The following UEVLD variants were observed in gnomAD, a reference collection of about 807,000 sequenced individuals.
UEVLD encodes ubiquitin-conjugating enzyme E2 variant 3.
In UEVLD, 47 loss-of-function variants were observed where a neutral mutation model predicts 58.6. The observed-to-expected ratio is 0.80, with a 90% CI of 0.63 to 1.02. The LOEUF (loss-of-function observed/expected upper bound fraction) is 1.02, where lower values mean the gene tolerates loss of function less well. Ranked by LOEUF, UEVLD falls within the 50% of genes least tolerant of loss-of-function variation. UEVLD has a pLI of 0.00. For missense variants in UEVLD, 510 were observed against 550.6 expected (o/e 0.93, Z 0.74); for synonymous variants, 197 against 195.3 (o/e 1.01, Z -0.07).
intron 6 of UEVLD, among the ~76,000 whole-genome samples, chr11:18,558,548 C>T (rs1851862747): frequency 6.6e-6 from 1 of 152,174 alleles, no homozygotes; most frequent in East Asian, 1.9e-4. Flanking sequence ...CTTTGGGAGG[C>T]CAAGGCAGGC....
chr11:18,540,260 C>G (rs1241177387), intron 9 of UEVLD, among the ~76,000 whole-genome samples: 1 of 152,202 alleles, frequency 6.6e-6, no homozygotes, highest in Admixed American at 6.5e-5. Flanking sequence ...TGGAAAACCA[C>G]TACCTCCTTC....
chr11:18,570,664 T>TGAG (rs1852552983), intron 3 of UEVLD: 1 of 183,846 alleles, frequency 5.4e-6, no homozygotes, highest in African/African-American at 2.4e-5. Context: ...GCAGATGACT[T>TGAG]GAGCCTGGCA....
At chr11:18,584,044 T>G (rs1011144863) in intron 1 of UEVLD, among the ~76,000 whole-genome samples, 1 of 152,274 alleles carries the variant, frequency 6.6e-6, no homozygotes, top group South Asian at 2.1e-4. Flanking sequence ...ATTAGGGAAC[T>G]AGGTAATTTC....
intron 7 of UEVLD, among the ~76,000 whole-genome samples, chr11:18,548,263 A>G (rs72876779): frequency 6.6e-6 from 1 of 152,178 alleles, no homozygotes; most frequent in Non-Finnish European, 1.5e-5. Flanking sequence ...CAGTAAGTAC[A>G]TGCCCAAACC....
At chr11:18,566,283 G>C in intron 5 of UEVLD, 64 bp downstream of exon 5, 1 of 1,588,670 alleles carries the variant, frequency 6.3e-7, no homozygotes, top group Non-Finnish European at 8.6e-7. Flanking sequence ...AGAAAGTAAA[G>C]GAGTTTAGTG....
chr11:18,543,482 A>G (rs1207101580), intron 9 of UEVLD, among the ~76,000 whole-genome samples: 2 of 152,038 alleles, frequency 1.3e-5, no homozygotes, highest in Non-Finnish European at 2.9e-5. Context: ...CCTATTGTTC[A>G]CTATCTATTA....
chr11:18,552,405 G>C (rs1178269650), intron 7 of UEVLD, among the ~76,000 whole-genome samples: 1 of 152,048 alleles, frequency 6.6e-6, no homozygotes. Flanking sequence ...AAATTAGCCA[G>C]GTGTGATGGT....
intron 8 of UEVLD, among the ~76,000 whole-genome samples, chr11:18,545,075 T>TCTATATA (rs60959151): frequency 8.5e-6 from 1 of 117,228 alleles, no homozygotes; most frequent in African/African-American, 3.6e-5. Context: ...TATATCTATA[T>TCTATATA]TTTTTTTTTT....
At chr11:18,561,769 T>C (rs892509143) in intron 6 of UEVLD, among the ~76,000 whole-genome samples, 2 of 149,994 alleles carry the variant, frequency 1.3e-5, no homozygotes, top group African/African-American at 2.5e-5. Flanking sequence ...AGGCAGGAGG[T>C]TGCAGTGAGC....
chr11:18,553,784 G>A (rs564423109), intron 7 of UEVLD, among the ~76,000 whole-genome samples: 55 of 152,268 alleles, frequency 3.6e-4, no homozygotes, highest in Admixed American at 9.2e-4. Context: ...ATATAAATTA[G>A]CTAGTAGAGG....
intron 11 of UEVLD, 147 bp downstream of exon 11, chr11:18,534,183 A>G (rs1850693074): frequency 1.8e-6 from 1 of 567,388 alleles, no homozygotes; most frequent in African/African-American, 2.0e-5. Flanking sequence ...GATAGGGCTT[A>G]AACTAAACTG....
Position 18,578,774 on chromosome 11 carries a change from C to T in UEVLD, c.77G>A (p.Arg26Lys), listed in dbSNP as rs1853072831. Residue 26 changes from arginine (R) to lysine (K), a missense_variant, in exon 2 of 12, where the codon AGG becomes AAG. Transcript: ENST00000396197. ...ATGTGGGAAAAATACATTTACATTC[C>T]TTAGTTCTTCCACAGTTAGGTCCCT... The part of the protein sequence containing the change: ...KFRDLTVEEL[R>K]NVNVFFPHFK... The T allele has an allele frequency of 1.9e-6, 3 of 1,608,966 alleles. No individual in the cohort carries two copies. Among genetic ancestry groups the T allele is most frequent in the South Asian group, 2.2e-5 (2 of 89,824 alleles).
chr11:18,587,129 C>T (rs1853616349), intron 1 of UEVLD, among the ~76,000 whole-genome samples: 1 of 152,176 alleles, frequency 6.6e-6, no homozygotes, highest in Admixed American at 6.5e-5. Flanking sequence ...CTACTCTCAC[C>T]CTTGAAAAAA....
chr11:18,580,240 A>C (rs1853167275), intron 1 of UEVLD, among the ~76,000 whole-genome samples: 1 of 152,190 alleles, frequency 6.6e-6, no homozygotes, highest in Non-Finnish European at 1.5e-5. Flanking sequence ...ACTCTCACAC[A>C]TACACCACTG....
rs905476741 is a variant in UEVLD, at chr11:18,582,631, A to C, written c.43-3823T>G. Among the ~76,000 whole-genome samples, 3 of 152,048 alleles carry C rather than the reference A, an allele frequency of 2.0e-5. No homozygotes were observed. The East Asian group carries it at 5.8e-4, about 29-fold the overall frequency. On this transcript the variant is annotated intron_variant, in intron 1 of 11. Coordinates refer to ENST00000396197, the MANE Select transcript of UEVLD (RefSeq NM_001040697.4). The stretch of plus-strand genomic sequence containing the variant: ...ATTACAGGTGTGAGCCACCACACCC[A>C]GCCTTATTTTCACTACATATTAAAC...
At chr11:18,587,909 A>G (rs1853663707) in intron 1 of UEVLD, 1 of 152,134 alleles carries the variant, frequency 6.6e-6, no homozygotes, top group South Asian at 2.1e-4. Context: ...TACACCGGAA[A>G]CTCAGGCTAG....
Position 18,532,527 on chromosome 11 carries a change from T to C in UEVLD, c.1249-40A>G, listed in dbSNP as rs780784149. 1.0e-5 allele frequency: 15 copies of C among 1,469,210 alleles called. No homozygotes were observed. The South Asian group carries it at 1.5e-4, about 14-fold the overall frequency. The allele number at this position is 1,469,210 out of a possible 1,614,324, so 91.0% of individuals were successfully genotyped here. A position where few individuals can be genotyped will look rare whatever the true frequency, so the allele number is the denominator to read the frequency against. ...ATAGGGATTTAATAGAACTAAATCA[T>C]TGCAAAGAAGTTAATACAAAAATGC... is the stretch of plus-strand genomic sequence containing the variant. On this transcript the variant is annotated intron_variant, in intron 11 of 11. Transcript: ENST00000396197.
intron 4 of UEVLD, among the ~76,000 whole-genome samples, chr11:18,568,010 T>G (rs942780005): frequency 2.0e-5 from 3 of 152,050 alleles, no homozygotes; most frequent in African/African-American, 7.2e-5. Context: ...TAGTGGATGG[T>G]AGACCATGCT....
rs1303844444 is a variant in UEVLD at position 18,534,360 on chromosome 11, C to G, written c.1218G>C (p.Lys406Asn). 26 of 1,558,298 alleles carry G rather than the reference C, an allele frequency of 1.7e-5. No individual in the cohort carries two copies. Among genetic ancestry groups the G allele is most frequent in the Non-Finnish European group, 2.2e-5 (26 of 1,161,008 alleles). The part of the protein sequence containing the change: ...DMVDSIVNNK[K>N]KVHSVSALAK... ...CTAAAGCTGATACAGAATGCACTTTCTTCTTATTGTTTACAATACTGTCAA... is the reference window on the plus strand; with the variant it reads ...CTAAAGCTGATACAGAATGCACTTTGTTCTTATTGTTTACAATACTGTCAA... Residue 406 changes from lysine (K) to asparagine (N), a missense_variant, in exon 11 of 12, where the codon AAG becomes AAC. By Grantham distance (94) the Lys-to-Asn change is moderately conservative. Transcript: ENST00000396197.
Sources: allele counts gnomAD v4.1 joint callset (sites outside exome capture counted in the v4.1 genomes callset), GRCh38; gene constraint gnomAD v4.1.1; transcripts MANE v1.5; gene names NCBI Gene and HGNC (gene_info 2026-07-23, HGNC 2026-07-21).